FARP1: variants seen among roughly 807,000 people sequenced by gnomAD.
FARP1 encodes FERM, ARH/RhoGEF and pleckstrin domain protein 1, also known as FERM, ARHGEF and pleckstrin domain-containing protein 1.
In FARP1, 52 loss-of-function variants were observed where a neutral mutation model predicts 128.8. That is an observed-to-expected ratio of 0.40 (90% CI 0.32 to 0.51). The LOEUF (loss-of-function observed/expected upper bound fraction) is 0.51. Ranked by LOEUF, FARP1 falls within the 20% of genes least tolerant of loss-of-function variation. FARP1 has a pLI of 0.45. For missense variants in FARP1, 1,333 were observed against 1,367.9 expected, an observed-to-expected ratio of 0.97 and a Z score of 0.40; for synonymous variants, 580 against 551.8, an observed-to-expected ratio of 1.05 and a Z score of -0.72.
At chr13:98,217,912 A>G (rs1326189038) in intron 2 of FARP1, among the ~76,000 whole-genome samples, 1 of 152,216 alleles carries the variant, frequency 6.6e-6, no homozygotes, top group African/African-American at 2.4e-5. Flanking sequence ...CTGTCCTAGC[A>G]TAACAAGGGA....
intron 2 of FARP1, among the ~76,000 whole-genome samples, chr13:98,296,518 C>G (rs903382905): frequency 3.3e-5 from 5 of 151,498 alleles, no homozygotes; most frequent in East Asian, 3.9e-4. Context: ...ACAGGGACCC[C>G]CCGCTCTTCA....
intron 1 of FARP1, among the ~76,000 whole-genome samples, chr13:98,206,014 A>C (rs1468055326): frequency 2.0e-5 from 3 of 151,906 alleles, no homozygotes. Context: ...TTTTCTTTGG[A>C]TGTTCATCTG....
intron 18 of FARP1, chr13:98,431,574 G>C (rs1892028981): frequency 4.5e-6 from 1 of 223,590 alleles, no homozygotes; most frequent in Non-Finnish European, 8.8e-6. Flanking sequence ...CGATTCTCCT[G>C]CCTCAGCCTC....
chr13:98,360,382 G>A (rs1888821917), intron 3 of FARP1, among the ~76,000 whole-genome samples: 2 of 152,136 alleles, frequency 1.3e-5, no homozygotes, highest in South Asian at 2.1e-4. Context: ...AGGCGTGAGC[G>A]CTCAGCTTAA....
chr13:98,333,937 A>ACTTCTCCTCCTCCAC (rs1415458503), intron 2 of FARP1: 14 of 149,960 alleles, frequency 9.3e-5, no homozygotes, highest in African/African-American at 2.7e-4. Flanking sequence ...TCTTCTTCCA[A>ACTTCTCCTCCTCCAC]CTTCTCCTCC....
chr13:98,356,986 AT>A (rs939568958), intron 3 of FARP1, among the ~76,000 whole-genome samples: 137 of 152,268 alleles, frequency 9.0e-4, no homozygotes, highest in African/African-American at 3.2e-3. Flanking sequence ...TGACATCTGC[AT>A]TGCCCAACAC....
At chr13:98,333,677 G>A (rs1477741066) in intron 2 of FARP1, 1 of 152,186 alleles carries the variant, frequency 6.6e-6, no homozygotes, top group Admixed American at 6.6e-5. Context: ...TTGCTGAGGG[G>A]AACAAGGAGA....
At chr13:98,279,492 C>T (rs1425438769) in intron 2 of FARP1, among the ~76,000 whole-genome samples, 1 of 152,214 alleles carries the variant, frequency 6.6e-6, no homozygotes, top group Non-Finnish European at 1.5e-5. Context: ...TGGAAATGTT[C>T]TGGGCTTCTG....
At chr13:98,395,145 G>A (rs1371874020) in intron 12 of FARP1, 82 bp from the exon 13 acceptor site, 11 of 1,486,384 alleles carry the variant, frequency 7.4e-6, no homozygotes, top group South Asian at 1.4e-5. Flanking sequence ...TTCTTGCCTG[G>A]CTCTCCTTTT....
chr13:98,213,251 A>C lies in FARP1; in HGVS notation c.9A>C (p.Glu3Asp). 6.2e-7 allele frequency: 1 copy of C among 1,612,506 alleles called. No homozygotes were observed. Among genetic ancestry groups the C allele is most frequent in the Non-Finnish European group, 8.5e-7 (1 of 1,179,654 alleles). The change falls in exon 2 of 27, where the codon GAA (glutamate) becomes GAC (aspartate). Residue 3 changes from glutamate to aspartate, a missense_variant. By Grantham distance (45) the Glu-to-Asp change is conservative. Transcript: ENST00000319562. MGEIEQRPTPGSR... is the reference protein window; with the variant it reads MGDIEQRPTPGSR... ...TCTAAGCCGCTTTCATCATGGGAGA[A>C]ATAGAGCAGAGGCCGACCCCAGGAT...
At chr13:98,284,834 T>G (rs1885089300) in intron 2 of FARP1, among the ~76,000 whole-genome samples, 1 of 152,234 alleles carries the variant, frequency 6.6e-6, no homozygotes, top group Non-Finnish European at 1.5e-5. Flanking sequence ...GTTCTTCCTG[T>G]GCCAGCTGCT....
chr13:98,322,324 C>T (rs1887031494), intron 2 of FARP1, among the ~76,000 whole-genome samples: 2 of 152,128 alleles, frequency 1.3e-5, no homozygotes, highest in Admixed American at 6.5e-5. Flanking sequence ...AAAAAATGTG[C>T]CTGGCATAGG....
At chr13:98,306,455 G>T (rs1237934801) in intron 2 of FARP1, among the ~76,000 whole-genome samples, 1 of 152,100 alleles carries the variant, frequency 6.6e-6, no homozygotes, top group Non-Finnish European at 1.5e-5. Flanking sequence ...AGTTACAAAC[G>T]ACAAGACTTA....
At chr13:98,275,626 CTCTTT>C (rs1229752719) in intron 2 of FARP1, among the ~76,000 whole-genome samples, 2,698 of 140,518 alleles carry the variant, frequency 0.019, 78 homozygotes, top group African/African-American at 0.066. Flanking sequence ...TTCTCTTTCT[CTCTTT>C]TTTTTTTTTT....
chr13:98,441,934 C>A (rs1399225410), intron 24 of FARP1, among the ~76,000 whole-genome samples: 1 of 148,480 alleles, frequency 6.7e-6, no homozygotes, highest in African/African-American at 2.4e-5. Context: ...CTTCCAAATG[C>A]CCATTCCCTA....
At chr13:98,330,520 C>T (rs770486980) in intron 2 of FARP1, among the ~76,000 whole-genome samples, 11 of 151,904 alleles carry the variant, frequency 7.2e-5, no homozygotes, top group East Asian at 1.9e-4. Flanking sequence ...TTTGGGAGGC[C>T]GAGGCAGGTG....
At chr13:98,442,189 C>T (rs1290206807) in intron 24 of FARP1, among the ~76,000 whole-genome samples, 1 of 152,218 alleles carries the variant, frequency 6.6e-6, no homozygotes, top group Non-Finnish European at 1.5e-5. Flanking sequence ...GCAGAAAGGG[C>T]CAGTTCCCAC....
chr13:98,301,479 G>A (rs1000781340), intron 2 of FARP1, among the ~76,000 whole-genome samples: 12 of 152,132 alleles, frequency 7.9e-5, no homozygotes, highest in African/African-American at 2.9e-4. Flanking sequence ...AAAATGTGTG[G>A]CTCGTTCTCT....
intron 24 of FARP1, chr13:98,445,837 C>T: frequency 2.5e-6 from 1 of 402,688 alleles, no homozygotes; most frequent in South Asian, 2.8e-5. Flanking sequence ...TTCTAAGGTA[C>T]TGGTAGTCAG....
Sources: gnomAD v4.1 joint callset for allele counts (sites outside exome capture counted in the v4.1 genomes callset) on GRCh38, gnomAD v4.1.1 for gene constraint, MANE v1.5 for transcripts, NCBI Gene and HGNC (gene_info 2026-07-23, HGNC 2026-07-21) for gene names.